The following SH3GL2 variants were observed in gnomAD, a reference collection of about 807,000 sequenced individuals.
The protein encoded by SH3GL2 is SH3 domain containing GRB2 like 2, endophilin A1, also known as endophilin-A1.
SH3GL2 carries 24 observed loss-of-function variants against 46.0 expected under a neutral mutation model. The ratio of observed to expected loss-of-function variants is 0.52; its 90% CI spans 0.38 to 0.73. The LOEUF is 0.73. Ranked by LOEUF, SH3GL2 falls within the 30% of genes least tolerant of loss-of-function variation. The pLI is 0.00. For missense variants in SH3GL2, 413 were observed against 424.2 expected (o/e 0.97, Z 0.23); for synonymous variants, 196 against 147.1 (o/e 1.33, Z -2.40).
At chr9:17,587,944 G>A (rs752733355) in intron 1 of SH3GL2, among the ~76,000 whole-genome samples, 5 of 151,466 alleles carry the variant, frequency 3.3e-5, no homozygotes, top group African/African-American at 9.7e-5. Context: ...GGCTTCTGAT[G>A]TGTTTTCTTG....
intron 2 of SH3GL2, chr9:17,755,725 A>G (rs1349880468): frequency 3.1e-6 from 3 of 956,098 alleles, no homozygotes; most frequent in Non-Finnish European, 3.7e-6. Flanking sequence ...ATCTAATAGT[A>G]TGAAATCATA....
chr9:17,680,034 T>C (rs529352443), intron 1 of SH3GL2, among the ~76,000 whole-genome samples: 247 of 152,324 alleles, frequency 1.6e-3, no homozygotes, highest in Non-Finnish European at 1.7e-3. Context: ...GGTTTGCCAG[T>C]ATTTTATTGA....
intron 1 of SH3GL2, among the ~76,000 whole-genome samples, chr9:17,706,762 C>G (rs1310273367): frequency 6.6e-6 from 1 of 151,822 alleles, no homozygotes; most frequent in African/African-American, 2.4e-5. Context: ...CTTGCAGGTC[C>G]CTCTATTCCT....
intron 1 of SH3GL2, among the ~76,000 whole-genome samples, chr9:17,659,322 T>C (rs1820159648): frequency 6.6e-6 from 1 of 152,202 alleles, no homozygotes; most frequent in African/African-American, 2.4e-5. Context: ...GTTCCATTTA[T>C]TGGCTCAGAA....
chr9:17,728,705 T>G (rs968933208), intron 1 of SH3GL2, among the ~76,000 whole-genome samples: 6 of 152,120 alleles, frequency 3.9e-5, no homozygotes, highest in African/African-American at 1.4e-4. Flanking sequence ...AGCTCCCACT[T>G]ATTAGTGAGA....
intron 4 of SH3GL2, 102 bp from the exon 5 acceptor site, chr9:17,787,278 G>C: frequency 2.2e-6 from 2 of 893,068 alleles, no homozygotes; most frequent in Non-Finnish European, 3.5e-6. Context: ...GTCTTTAGAA[G>C]ACAAGTGGTA....
intron 1 of SH3GL2, among the ~76,000 whole-genome samples, chr9:17,603,058 G>T (rs1238408704): frequency 6.6e-6 from 1 of 152,214 alleles, no homozygotes; most frequent in Non-Finnish European, 1.5e-5. Flanking sequence ...CTGTGGGACT[G>T]ATTCTGAGGA....
chr9:17,624,070 G>T (rs78841796), intron 1 of SH3GL2, among the ~76,000 whole-genome samples: 3,369 of 152,108 alleles, frequency 0.022, 127 homozygotes, highest in African/African-American at 0.077. Flanking sequence ...GGTTTATCTC[G>T]TTTTTAAGAC....
chr9:17,672,365 T>C (rs1173744847), intron 1 of SH3GL2, among the ~76,000 whole-genome samples: 1 of 152,142 alleles, frequency 6.6e-6, no homozygotes, highest in Non-Finnish European at 1.5e-5. Context: ...GAGCAGAGAC[T>C]AAAAGAACCA....
chr9:17,770,213 G>A (rs1232925251), intron 3 of SH3GL2, among the ~76,000 whole-genome samples: 1 of 152,114 alleles, frequency 6.6e-6, no homozygotes, highest in East Asian at 1.9e-4. Flanking sequence ...TAAAATCACT[G>A]GGCTGAAGCT....
chr9:17,673,098 A>G (rs917562499), intron 1 of SH3GL2, among the ~76,000 whole-genome samples: 14 of 151,750 alleles, frequency 9.2e-5, no homozygotes, highest in African/African-American at 3.4e-4. Flanking sequence ...GTCCTCCCTA[A>G]TAAATCTTCC....
intron 1 of SH3GL2, among the ~76,000 whole-genome samples, chr9:17,624,520 T>TC (rs1410825984): frequency 1.4e-5 from 1 of 70,248 alleles, no homozygotes; most frequent in Non-Finnish European, 3.8e-5. Context: ...GAGTCTCATA[T>TC]AATTTTATTT....
intron 2 of SH3GL2, 97 bp from the exon 3 acceptor site, chr9:17,761,340 T>G: frequency 1.3e-6 from 1 of 782,214 alleles, no homozygotes; most frequent in Non-Finnish European, 2.3e-6. Flanking sequence ...TCCGGGGCTC[T>G]GTTGCATACC....
At chr9:17,677,439 C>A (rs1384538701) in intron 1 of SH3GL2, among the ~76,000 whole-genome samples, 1 of 152,068 alleles carries the variant, frequency 6.6e-6, no homozygotes, top group Non-Finnish European at 1.5e-5. Flanking sequence ...CATTTTATAA[C>A]CTTCAACCAA....
chr9:17,638,901 G>A (rs1471073250), intron 1 of SH3GL2, among the ~76,000 whole-genome samples: 2 of 152,156 alleles, frequency 1.3e-5, no homozygotes, highest in African/African-American at 4.8e-5. Flanking sequence ...ATGGACATCC[G>A]AATTACAGGG....
At chr9:17,645,159 T>G (rs1588201111) in intron 1 of SH3GL2, among the ~76,000 whole-genome samples, 1 of 56,644 alleles carries the variant, frequency 1.8e-5, no homozygotes, top group African/African-American at 7.4e-5. Context: ...TGCTTTTTTT[T>G]TTTTTTTTTT....
intron 1 of SH3GL2, among the ~76,000 whole-genome samples, chr9:17,647,533 G>C (rs1819848004): frequency 6.6e-6 from 1 of 152,118 alleles, no homozygotes; most frequent in African/African-American, 2.4e-5. Context: ...TTGTTCTTAA[G>C]TCTGTAACAT....
intron 1 of SH3GL2, among the ~76,000 whole-genome samples, chr9:17,737,559 ATTG>A (rs755090010): frequency 1.1e-4 from 17 of 151,964 alleles, no homozygotes; most frequent in Non-Finnish European, 2.1e-4. Flanking sequence ...CTCTGAAATG[ATTG>A]TTTCAGCCGC....
chr9:17,734,473 C>T (rs142324579), intron 1 of SH3GL2, among the ~76,000 whole-genome samples: 26 of 152,252 alleles, frequency 1.7e-4, no homozygotes, highest in African/African-American at 6.0e-4. Flanking sequence ...TGTGAGGTAG[C>T]TTTTAGTTAT....
Sources: allele counts gnomAD v4.1 joint callset (sites outside exome capture counted in the v4.1 genomes callset), GRCh38; gene constraint gnomAD v4.1.1; transcripts MANE v1.5; gene names NCBI Gene and HGNC (gene_info 2026-07-23, HGNC 2026-07-21).